Variants in SAMMSON observed in about 807,000 individuals in gnomAD.
The protein encoded by SAMMSON is survival associated mitochondrial melanoma specific oncogenic non-coding RNA.
chr3:70,175,026 A>G (rs989447011), intron 4 of SAMMSON, among the ~76,000 whole-genome samples: 32 of 152,122 alleles, frequency 2.1e-4, no homozygotes, highest in African/African-American at 7.2e-4. Flanking sequence ...TTATGTCACA[A>G]AAGCTGGTAT....
chr3:70,286,078 C>G (rs1575615731), intron 6 of SAMMSON, among the ~76,000 whole-genome samples: 1 of 152,040 alleles, frequency 6.6e-6, no homozygotes, highest in Non-Finnish European at 1.5e-5. Flanking sequence ...TCCCATTTGT[C>G]AATTTTGTGT....
chr3:70,347,612 C>T (rs762391277), intron 7 of SAMMSON, among the ~76,000 whole-genome samples: 30 of 152,106 alleles, frequency 2.0e-4, no homozygotes, highest in Non-Finnish European at 3.2e-4. Context: ...TATGAATGCT[C>T]GTGATACCAA....
intron 4 of SAMMSON, among the ~76,000 whole-genome samples, chr3:70,084,449 T>C (rs2067278433): frequency 6.6e-6 from 1 of 152,190 alleles, no homozygotes; most frequent in African/African-American, 2.4e-5. Flanking sequence ...CTGTGAACCA[T>C]TTAATAAAAT....
intron 6 of SAMMSON, among the ~76,000 whole-genome samples, chr3:70,251,672 C>A (rs1408484547): frequency 6.6e-6 from 1 of 152,086 alleles, no homozygotes; most frequent in Non-Finnish European, 1.5e-5. Context: ...TATAATATTG[C>A]CATTACTTTT....
intron 2 of SAMMSON, among the ~76,000 whole-genome samples, chr3:70,403,503 C>T (rs1268738860): frequency 1.3e-5 from 2 of 152,152 alleles, no homozygotes; most frequent in South Asian, 2.1e-4. Context: ...TACTGTAGAT[C>T]GCAGATTGGC....
chr3:70,375,478 G>A (rs2686540), intron 9 of SAMMSON, among the ~76,000 whole-genome samples: 69,446 of 148,734 alleles, frequency 0.47, 16,249 homozygotes, highest in East Asian at 0.59. Context: ...TTTATTACTT[G>A]TCATGAGTGA....
chr3:70,295,586 C>T (rs546024525), intron 7 of SAMMSON, among the ~76,000 whole-genome samples: 2 of 152,042 alleles, frequency 1.3e-5, no homozygotes, highest in Non-Finnish European at 2.9e-5. Context: ...ACCTGTAGTC[C>T]TATTCCTAAG....
intron 7 of SAMMSON, among the ~76,000 whole-genome samples, chr3:70,341,006 T>G: frequency 6.6e-6 from 1 of 152,294 alleles, no homozygotes; most frequent in Non-Finnish European, 1.5e-5. Flanking sequence ...TGAAAACACC[T>G]GTCTCTCAGG....
At chr3:70,204,281 A>G (rs1559534288) in intron 4 of SAMMSON, among the ~76,000 whole-genome samples, 1 of 152,086 alleles carries the variant, frequency 6.6e-6, no homozygotes, top group Non-Finnish European at 1.5e-5. Flanking sequence ...ATATTTCTGT[A>G]TTTATCTCAG....
intron 4 of SAMMSON, among the ~76,000 whole-genome samples, chr3:70,201,186 C>T (rs953370233): frequency 4.6e-5 from 7 of 152,082 alleles, no homozygotes; most frequent in Admixed American, 3.3e-4. Context: ...TCCTGATCCT[C>T]TCCCTCCTCT....
intron 4 of SAMMSON, among the ~76,000 whole-genome samples, chr3:70,139,574 T>C (rs1393251844): frequency 2.0e-5 from 3 of 152,172 alleles, no homozygotes; most frequent in Non-Finnish European, 2.9e-5. Context: ...CAGCCATGCC[T>C]CTACAGCTTT....
chr3:70,035,733 G>A (rs926071488), intron 3 of SAMMSON, among the ~76,000 whole-genome samples: 45 of 152,092 alleles, frequency 3.0e-4, no homozygotes, highest in East Asian at 1.9e-4. Context: ...TGATGATAGC[G>A]GGAAAGGAAG....
intron 4 of SAMMSON, among the ~76,000 whole-genome samples, chr3:70,087,534 A>C (rs1478987228): frequency 6.6e-6 from 1 of 152,206 alleles, no homozygotes; most frequent in Non-Finnish European, 1.5e-5. Flanking sequence ...GGGAGGAAGG[A>C]ATATCCTTCC....
chr3:70,192,954 G>A (rs1206985124), intron 4 of SAMMSON, among the ~76,000 whole-genome samples: 1 of 152,058 alleles, frequency 6.6e-6, no homozygotes, highest in Non-Finnish European at 1.5e-5. Flanking sequence ...GCTGTCCTGT[G>A]CCTTACGGAT....
chr3:70,045,118 T>TATA (rs1553712323), intron 3 of SAMMSON, among the ~76,000 whole-genome samples: 7 of 82,302 alleles, frequency 8.5e-5, no homozygotes, highest in Non-Finnish European at 2.2e-4. Flanking sequence ...AATTTATATA[T>TATA]ATTAATTATA....
intron 4 of SAMMSON, among the ~76,000 whole-genome samples, chr3:70,142,989 A>G (rs2067534116): frequency 6.6e-6 from 1 of 152,176 alleles, no homozygotes. Context: ...AAAAAAGACA[A>G]GGACACAGAA....
chr3:70,421,855 T>A (rs980582858), intron 2 of SAMMSON, among the ~76,000 whole-genome samples: 3 of 152,094 alleles, frequency 2.0e-5, no homozygotes, highest in African/African-American at 7.2e-5. Context: ...GCCCTAGAGA[T>A]TTCCATTCCT....
In SAMMSON at chr3:70,290,124, A is replaced by T. The variant is rs1392894009; in HGVS notation, n.675-1055A>T. On this transcript the variant is annotated intron_variant and non_coding_transcript_variant, in intron 6 of 9. Transcript: ENST00000642114. ...GTGAGGAGCTGCGTTCCTTTGTAGG[A>T]GGAGAGGCGCTCTGCTTTTTAGAGT... 2.6e-5 allele frequency among the ~76,000 whole-genome samples: 4 copies of T among 152,094 alleles called. No individual in the cohort carries two copies. In the East Asian group the frequency reaches 5.8e-4, roughly 22 times the overall value.
chr3:70,187,403 C>T (rs1232644852), intron 4 of SAMMSON, among the ~76,000 whole-genome samples: 1 of 144,086 alleles, frequency 6.9e-6, no homozygotes, highest in South Asian at 2.2e-4. Context: ...TGAGACAGAG[C>T]ATGAGACAGC....
Sources: allele counts gnomAD v4.1 joint callset (sites outside exome capture counted in the v4.1 genomes callset), GRCh38; gene constraint gnomAD v4.1.1; transcripts MANE v1.5; gene names NCBI Gene and HGNC (gene_info 2026-07-23, HGNC 2026-07-21).